Variants in KLHL13 observed in about 807,000 individuals in gnomAD.
KLHL13 encodes the protein kelch-like protein 13.
A neutral mutation model predicts 37.1 loss-of-function variants in KLHL13; 10 were observed. The ratio of observed to expected loss-of-function variants is 0.27; its 90% CI spans 0.17 to 0.46. The LOEUF is 0.46. KLHL13 is among the 20% of genes least tolerant of loss of function. The pLI, the probability that KLHL13 is intolerant of heterozygous loss-of-function variation, is 1.00. For missense variants in KLHL13, 360 were observed against 509.3 expected, an observed-to-expected ratio of 0.71 and a Z score of 2.82; for synonymous variants, 163 against 181.2, an observed-to-expected ratio of 0.90 and a Z score of 0.81.
At chrX:118,107,158 A>T (rs142692095) in intron 1 of KLHL13, among the ~76,000 whole-genome samples, 1,927 of 112,014 alleles carry the variant, frequency 0.017, 44 homozygotes, top group African/African-American at 0.057. Flanking sequence ...ATCCTGCATA[A>T]CCCTTTTCCT....
At chrX:118,087,206 C>T (rs1434999620) in intron 1 of KLHL13, among the ~76,000 whole-genome samples, 1 of 110,422 alleles carries the variant, frequency 9.1e-6, no homozygotes, top group Non-Finnish European at 1.9e-5. Flanking sequence ...CTTAATTTCC[C>T]TCTAAACTCT....
At chrX:117,953,712 A>C (rs1184086532) in intron 1 of KLHL13, among the ~76,000 whole-genome samples, 1 of 111,744 alleles carries the variant, frequency 8.9e-6, no homozygotes, top group Non-Finnish European at 1.9e-5. Context: ...AAAAAATTAA[A>C]AATAGCAGAC....
chrX:117,959,115 T>C (rs1199410924), intron 1 of KLHL13, among the ~76,000 whole-genome samples: 2 of 111,685 alleles, frequency 1.8e-5, no homozygotes, highest in Non-Finnish European at 3.8e-5. Context: ...TGTATCTATC[T>C]ATATGCTTCA....
intron 1 of KLHL13, among the ~76,000 whole-genome samples, chrX:118,026,732 C>T (rs2054278388): frequency 8.9e-6 from 1 of 111,748 alleles, no homozygotes; most frequent in African/African-American, 3.2e-5. Context: ...CAGCGAATAA[C>T]AGCAGACATG....
intron 1 of KLHL13, among the ~76,000 whole-genome samples, chrX:117,993,794 T>C (rs1005300235): frequency 2.8e-5 from 3 of 107,082 alleles, no homozygotes; most frequent in Non-Finnish European, 5.8e-5. Flanking sequence ...TGGAGTACAA[T>C]GGCATGATCT....
chrX:117,983,700 A>T (rs1488831288), intron 1 of KLHL13, among the ~76,000 whole-genome samples: 2 of 111,957 alleles, frequency 1.8e-5, no homozygotes, highest in East Asian at 5.6e-4. Context: ...ACAATTTTAA[A>T]CTATGTAAAT....
At chrX:117,973,450 T>C (rs1394322318) in exon 1 of KLHL13, 13 of 954,743 alleles carry the variant, frequency 1.4e-5, no homozygotes, top group Non-Finnish European at 1.7e-5. Flanking sequence ...TTTCCTCCTG[T>C]GCAAGCTCTG....
At chrX:118,093,918 C>T (rs1314475351) in intron 1 of KLHL13, among the ~76,000 whole-genome samples, 3 of 109,170 alleles carry the variant, frequency 2.7e-5, no homozygotes, top group East Asian at 2.9e-4. Context: ...CGAATAGGAA[C>T]AGCTCCAGTC....
At chrX:118,067,673 T>C (rs950273836) in intron 1 of KLHL13, among the ~76,000 whole-genome samples, 4 of 110,456 alleles carry the variant, frequency 3.6e-5, no homozygotes, top group African/African-American at 1.3e-4. Flanking sequence ...CACAAGCACA[T>C]AGGCCTACAC....
chrX:118,001,037 A>G (rs928951329), intron 1 of KLHL13, among the ~76,000 whole-genome samples: 2 of 112,238 alleles, frequency 1.8e-5, no homozygotes, highest in South Asian at 7.4e-4. Context: ...ACAAGCAAAA[A>G]GTGTAAAGAA....
intron 1 of KLHL13, among the ~76,000 whole-genome samples, chrX:118,033,529 C>G (rs927113471): frequency 1.1e-4 from 12 of 110,467 alleles, no homozygotes; most frequent in South Asian, 7.9e-4. Flanking sequence ...ACTTTACAGA[C>G]AAGCAAATGC....
rs369007161 is a variant in KLHL13 at position 118,079,349 on chromosome X, C to A, written c.-56+37159G>T. Reference sequence around the variant, plus strand: ...CCAAATAGGAAAAAAAGAAGTTAAACTATCCCTCTTTGCTGATGATATAAT... The same window carrying A: ...CCAAATAGGAAAAAAAGAAGTTAAAATATCCCTCTTTGCTGATGATATAAT... On this transcript the variant is annotated intron_variant, in intron 1 of 6. Transcript: ENST00000371882. Among the ~76,000 whole-genome samples, 9 of 110,642 alleles carry A rather than the reference C, an allele frequency of 8.1e-5. No homozygotes were observed. In the East Asian group the frequency reaches 1.1e-3, roughly 14 times the overall value.
chrX:117,957,081 C>T (rs188028467), intron 1 of KLHL13, among the ~76,000 whole-genome samples: 41 of 111,527 alleles, frequency 3.7e-4, no homozygotes, highest in African/African-American at 1.2e-3. Context: ...ACCTTTGACC[C>T]TTGCTTCTTC....
At chrX:118,023,978 GT>G (rs1438944292) in intron 1 of KLHL13, among the ~76,000 whole-genome samples, 5 of 112,017 alleles carry the variant, frequency 4.5e-5, no homozygotes, top group Non-Finnish European at 9.4e-5. Flanking sequence ...TATTTTCTAT[GT>G]TCTGGATCAC....
upstream of KLHL13, chrX:117,973,814 T>A: frequency 1.7e-6 from 1 of 593,663 alleles, no homozygotes; most frequent in Non-Finnish European, 2.0e-6. Context: ...CCCCTCTTGT[T>A]CACCACCCCC....
At chrX:117,941,748 C>T (rs776064641) in intron 2 of KLHL13, among the ~76,000 whole-genome samples, 10 of 111,003 alleles carry the variant, frequency 9.0e-5, no homozygotes, top group Middle Eastern at 4.2e-3. Context: ...ATCTGGCTAG[C>T]GGTCTATCTA....
At chrX:117,907,874 G>A (rs1366383531) in intron 5 of KLHL13, among the ~76,000 whole-genome samples, 2 of 110,918 alleles carry the variant, frequency 1.8e-5, no homozygotes, top group Non-Finnish European at 3.8e-5. Flanking sequence ...AAACAGGAAA[G>A]TATAAAAGCT....
At chrX:118,083,625 CAGTT>C (rs1480433938) in intron 1 of KLHL13, among the ~76,000 whole-genome samples, 1 of 111,044 alleles carries the variant, frequency 9.0e-6, no homozygotes, top group African/African-American at 3.3e-5. Flanking sequence ...CAAAAAGTTA[CAGTT>C]AGATAGGAGG....
chrX:118,089,207 G>A (rs766005091), intron 1 of KLHL13, among the ~76,000 whole-genome samples: 14 of 110,907 alleles, frequency 1.3e-4, no homozygotes, highest in East Asian at 2.8e-4. Flanking sequence ...TCCTTTCTGC[G>A]CTGGGATGGG....
Sources: gnomAD v4.1 joint callset for allele counts (sites outside exome capture counted in the v4.1 genomes callset) on GRCh38, gnomAD v4.1.1 for gene constraint, MANE v1.5 for transcripts, NCBI Gene and HGNC (gene_info 2026-07-23, HGNC 2026-07-21) for gene names.